The following ADIPOR2 variants were observed in gnomAD, a reference collection of about 807,000 sequenced individuals.
The protein encoded by ADIPOR2 is adiponectin receptor 2.
A neutral mutation model predicts 40.9 loss-of-function variants in ADIPOR2; 18 were observed. That is an observed-to-expected ratio of 0.44 (90% CI 0.30 to 0.65). The LOEUF is 0.65. Among genes scored for constraint, ADIPOR2 ranks in the 30% least tolerant of loss-of-function variants. ADIPOR2 has a pLI of 0.09. For synonymous variants in ADIPOR2, 165 were observed against 166.4 expected (o/e 0.99, Z 0.06); for missense variants, 283 against 479.2 (o/e 0.59, Z 3.82).
At chr12:1,785,878 G>T (rs529232610) in intron 7 of ADIPOR2, 66 bp from the exon 8 acceptor site, 1 of 1,580,506 alleles carries the variant, frequency 6.3e-7, no homozygotes, top group African/African-American at 1.4e-5. Flanking sequence ...ACGATCCTAA[G>T]AATCTTTAGC....
At chr12:1,764,784 A>G (rs1862342156) in intron 2 of ADIPOR2, among the ~76,000 whole-genome samples, 1 of 152,114 alleles carries the variant, frequency 6.6e-6, no homozygotes, top group Non-Finnish European at 1.5e-5. Flanking sequence ...TCTCATTGTA[A>G]TCATTCCATA....
chr12:1,707,993 T>A (rs1592575801), intron 1 of ADIPOR2, among the ~76,000 whole-genome samples: 1 of 152,136 alleles, frequency 6.6e-6, no homozygotes. Context: ...TGTCTGAGGG[T>A]TCCACATCCA....
chr12:1,763,652 C>G (rs1210432729), intron 2 of ADIPOR2, among the ~76,000 whole-genome samples: 1 of 152,266 alleles, frequency 6.6e-6, no homozygotes, highest in African/African-American at 2.4e-5. Context: ...TGTCTCCACT[C>G]ACTTGAACAT....
intron 1 of ADIPOR2, among the ~76,000 whole-genome samples, chr12:1,692,975 T>G (rs1478365523): frequency 2.0e-5 from 3 of 151,930 alleles, no homozygotes; most frequent in Non-Finnish European, 1.5e-5. Flanking sequence ...GCCAACATGG[T>G]GAAACCCCGT....
intron 2 of ADIPOR2, among the ~76,000 whole-genome samples, chr12:1,767,520 CCT>C (rs1229675052): frequency 2.6e-5 from 4 of 151,970 alleles, no homozygotes; most frequent in African/African-American, 9.7e-5. Flanking sequence ...TTTCCACAAA[CCT>C]CTTTGTTTTC....
intron 2 of ADIPOR2, among the ~76,000 whole-genome samples, chr12:1,767,195 C>A (rs1862399826): frequency 6.8e-6 from 1 of 147,168 alleles, no homozygotes; most frequent in African/African-American, 2.5e-5. Flanking sequence ...CGCTTGAACC[C>A]AGGAGGCAGA....
chr12:1,718,639 A>G (rs2094692156), intron 1 of ADIPOR2, among the ~76,000 whole-genome samples: 1 of 152,254 alleles, frequency 6.6e-6, no homozygotes, highest in Non-Finnish European at 1.5e-5. Flanking sequence ...GCTATCTAGC[A>G]GACAGTGCTA....
At chr12:1,756,394 G>A (rs527423632) in intron 2 of ADIPOR2, among the ~76,000 whole-genome samples, 4 of 150,820 alleles carry the variant, frequency 2.7e-5, no homozygotes, top group Admixed American at 2.0e-4. Context: ...CAAGTGATCC[G>A]CCACCTTGGC....
At chr12:1,717,351 CT>C (rs1384873135) in intron 1 of ADIPOR2, among the ~76,000 whole-genome samples, 3 of 152,118 alleles carry the variant, frequency 2.0e-5, no homozygotes, top group Admixed American at 6.5e-5. Context: ...ATACCCTCAT[CT>C]TTAGTGGTTG....
chr12:1,700,455 A>G (rs2094647939), intron 1 of ADIPOR2, among the ~76,000 whole-genome samples: 1 of 152,142 alleles, frequency 6.6e-6, no homozygotes, highest in African/African-American at 2.4e-5. Flanking sequence ...CTTGAAATTT[A>G]TTTTATCCTA....
intron 1 of ADIPOR2, among the ~76,000 whole-genome samples, chr12:1,742,978 G>A (rs1479098305): frequency 6.6e-6 from 1 of 152,008 alleles, no homozygotes; most frequent in Non-Finnish European, 1.5e-5. Flanking sequence ...TGAAGAGTTG[G>A]GAGTTGCTGG....
intron 2 of ADIPOR2, among the ~76,000 whole-genome samples, chr12:1,759,027 T>G (rs1426939918): frequency 3.3e-5 from 5 of 152,238 alleles, no homozygotes; most frequent in Admixed American, 6.5e-5. Context: ...GCTGCCTTTA[T>G]GAGAATTGGC....
At chr12:1,721,820 G>C (rs1219719405) in intron 1 of ADIPOR2, among the ~76,000 whole-genome samples, 1 of 152,142 alleles carries the variant, frequency 6.6e-6, no homozygotes, top group African/African-American at 2.4e-5. Context: ...TTCTACCATA[G>C]GGAACCATGT....
intron 1 of ADIPOR2, among the ~76,000 whole-genome samples, chr12:1,710,556 G>A (rs954556445): frequency 1.3e-5 from 2 of 152,012 alleles, no homozygotes; most frequent in Admixed American, 6.5e-5. Context: ...CGCGGCCACC[G>A]GACTAAAGAC....
At chr12:1,782,752 G>A (rs148799920) in intron 6 of ADIPOR2, among the ~76,000 whole-genome samples, 1 of 152,176 alleles carries the variant, frequency 6.6e-6, no homozygotes, top group East Asian at 1.9e-4. Context: ...AGATGCTTCT[G>A]GAGGCAGTAA....
chr12:1,758,695 T>G (rs1466565081), intron 2 of ADIPOR2, among the ~76,000 whole-genome samples: 1 of 151,784 alleles, frequency 6.6e-6, no homozygotes, highest in Non-Finnish European at 1.5e-5. Flanking sequence ...CTTCACATGA[T>G]TTGAGGAGTT....
chr12:1,777,389 T>G (rs1194396679), intron 3 of ADIPOR2, among the ~76,000 whole-genome samples: 1 of 145,876 alleles, frequency 6.9e-6, no homozygotes, highest in Admixed American at 6.8e-5. Context: ...TTTCTTTTTT[T>G]TTTTTTTTTT....
chr12:1,779,417 CAGA>C (rs936819976), intron 4 of ADIPOR2, among the ~76,000 whole-genome samples: 23 of 152,258 alleles, frequency 1.5e-4, no homozygotes, highest in Admixed American at 1.5e-3. Context: ...AAGCCAGACA[CAGA>C]AGGTCACATG....
chr12:1,721,428 C>G (rs927000722), intron 1 of ADIPOR2, among the ~76,000 whole-genome samples: 5 of 152,062 alleles, frequency 3.3e-5, no homozygotes, highest in Non-Finnish European at 7.4e-5. Context: ...GTTGGCCAGG[C>G]TGGTCTTGAA....
Sources: allele counts gnomAD v4.1 joint callset (sites outside exome capture counted in the v4.1 genomes callset), GRCh38; gene constraint gnomAD v4.1.1; transcripts MANE v1.5; gene names NCBI Gene and HGNC (gene_info 2026-07-23, HGNC 2026-07-21).